The following AHNAK2 variants were observed in gnomAD, a reference collection of about 807,000 sequenced individuals.
AHNAK2 encodes protein AHNAK2.
In AHNAK2, 18 loss-of-function variants were observed where a neutral mutation model predicts 30.7. That is an observed-to-expected ratio of 0.59 (90% CI 0.41 to 0.87). The LOEUF is 0.87. Ranked by LOEUF, AHNAK2 falls within the 40% of genes least tolerant of loss-of-function variation. The pLI, the probability that AHNAK2 is intolerant of heterozygous loss-of-function variation, is 0.00. For missense variants in AHNAK2, 8,604 were observed against 7,373.0 expected, an observed-to-expected ratio of 1.17 and a Z score of -6.11; for synonymous variants, 3,590 against 3,073.8, an observed-to-expected ratio of 1.17 and a Z score of -5.56.
At chr14:104,956,144 G>GA (rs1227008880) in intron 4 of AHNAK2, among the ~76,000 whole-genome samples, 1 of 152,136 alleles carries the variant, frequency 6.6e-6, no homozygotes, top group Non-Finnish European at 1.5e-5. Flanking sequence ...GGCCTCCAAG[G>GA]AAAAAAACTA....
chr14:104,947,737 G>A lies in AHNAK2; in HGVS notation c.7714C>T (p.Pro2572Ser). 1 of 1,612,680 alleles carries A rather than the reference G, an allele frequency of 6.2e-7. No individual in the cohort carries two copies. The highest frequency in any genetic ancestry group is 8.5e-7 in the Non-Finnish European group (1 of 1,179,588). Reference protein sequence around the residue: ...LKGHLPKVQMPSFKMPEMDLK... With the variant: ...LKGHLPKVQMSSFKMPEMDLK... ...TCCATTTCAGGCATCTTGAAACTGGGCATCTGCACCTTGGGCAGGTGCCCT... is the reference window on the plus strand; with the variant it reads ...TCCATTTCAGGCATCTTGAAACTGGACATCTGCACCTTGGGCAGGTGCCCT... Residue 2572 changes from proline to serine, a missense_variant, in exon 7 of 7, where the codon CCC (proline) becomes TCC (serine). Physicochemically the swap from Pro to Ser is moderately conservative, Grantham distance 74 (BLOSUM62 -1). Coordinates refer to ENST00000333244, the MANE Select transcript of AHNAK2 (RefSeq NM_138420.4).
chr14:104,944,814 A>C lies in AHNAK2; in HGVS notation c.10637T>G (p.Val3546Gly), dbSNP rs749663852. 2 of 1,612,758 alleles carry C rather than the reference A, an allele frequency of 1.2e-6. No individual in the cohort carries two copies. Among genetic ancestry groups the C allele is most frequent in the East Asian group, 4.5e-5 (2 of 44,736 alleles). The change falls in exon 7 of 7, where the codon GTG becomes GGG. Residue 3546 changes from valine to glycine, a missense_variant. Coordinates refer to ENST00000333244, the MANE Select transcript of AHNAK2 (RefSeq NM_138420.4). ...CCCTTTGAGGCCGGCTCCCTCGGGC[A>C]CGGGGCCCTCCAGGAGTTCCACATC... ...QVDVELLEGP[V>G]PEGAGLKGHL...
At chr14:104,974,489 T>C (rs1566927902) in intron 1 of AHNAK2, among the ~76,000 whole-genome samples, 1 of 152,266 alleles carries the variant, frequency 6.6e-6, no homozygotes, top group Non-Finnish European at 1.5e-5. Context: ...TGCAGGCTCC[T>C]GCTGCTTTGC....
intron 1 of AHNAK2, among the ~76,000 whole-genome samples, chr14:104,963,348 T>A (rs1007921140): frequency 2.6e-5 from 4 of 152,176 alleles, no homozygotes; most frequent in Non-Finnish European, 5.9e-5. Context: ...CCATGGGATA[T>A]CCATATGGAA....
rs748574078 is a variant in AHNAK2, at chr14:104,944,353, C to T, written c.11098G>A (p.Gly3700Ser). 1 of 1,612,130 alleles carries T rather than the reference C, an allele frequency of 6.2e-7. No individual in the cohort carries two copies. The highest frequency in any genetic ancestry group is 1.1e-5 in the South Asian group (1 of 90,970). The change falls in exon 7 of 7, where the codon GGC becomes AGC. Residue 3700 changes from glycine to serine, a missense_variant. Gly to Ser is a moderately conservative substitution (Grantham distance 56, BLOSUM62 0). Coordinates refer to ENST00000333244, the MANE Select transcript of AHNAK2 (RefSeq NM_138420.4). ...TCCGGGAGCTTCACATCCATCTGGC[C>T]AGCCTGGACCTTCAGGTCGGCAGAA... Reference protein sequence around the residue: ...PPSADLKVQAGQMDVKLPEGQ... With the variant: ...PPSADLKVQASQMDVKLPEGQ...
intron 1 of AHNAK2, among the ~76,000 whole-genome samples, chr14:104,960,506 G>C (rs192895368): frequency 3.3e-5 from 5 of 152,292 alleles, no homozygotes; most frequent in African/African-American, 1.2e-4. Flanking sequence ...GAAGGGACTT[G>C]AGCATCCATG....
In AHNAK2 at chr14:104,978,259, G is replaced by A. The variant is rs1464440775; in HGVS notation, c.-22C>T. The A allele has an allele frequency of 4.2e-6, 5 of 1,181,210 alleles. No individual in the cohort carries two copies. Among genetic ancestry groups the A allele is most frequent in the Admixed American group, 4.5e-5 (1 of 22,234 alleles). 73.2% of individuals were successfully genotyped at this position (1,181,210 alleles called of 1,614,324 possible). On this transcript the variant is annotated 5_prime_UTR_variant, in exon 1 of 7. Coordinates refer to ENST00000333244, the MANE Select transcript of AHNAK2 (RefSeq NM_138420.4). ...ACATCGCGGCGGCCAGGCGGTGCGGGCCTGGCGGCCCGTCGCGTCCAGTCG... is the reference window on the plus strand; with the variant it reads ...ACATCGCGGCGGCCAGGCGGTGCGGACCTGGCGGCCCGTCGCGTCCAGTCG...
chr14:104,951,880 G>T lies in AHNAK2; in HGVS notation c.3571C>A (p.Pro1191Thr), dbSNP rs1278696282. Residue 1191 changes from proline to threonine, a missense_variant, in exon 7 of 7, where the codon CCC becomes ACC. Pro to Thr is a conservative substitution (Grantham distance 38). Transcript: ENST00000333244. Reference protein sequence around the residue: ...SIEASVDVSAPKVEADVSLPS... With the variant: ...SIEASVDVSATKVEADVSLPS... ...AGACTCACGTCGGCCTCCACTTTGGGTGCAGACACATCCACCGAGGCCTCG... is the reference window on the plus strand; with the variant it reads ...AGACTCACGTCGGCCTCCACTTTGGTTGCAGACACATCCACCGAGGCCTCG... 1 of 1,609,412 alleles carries T rather than the reference G, an allele frequency of 6.2e-7. No homozygotes were observed. Among genetic ancestry groups the T allele is most frequent in the African/African-American group, 1.4e-5 (1 of 73,814 alleles).
rs893974098 is a variant in AHNAK2 at position 104,966,651 on chromosome 14, G to A, written c.56-8979C>T. Among the ~76,000 whole-genome samples, 11 of 151,796 alleles carry A rather than the reference G, an allele frequency of 7.2e-5. No homozygotes were observed. Among genetic ancestry groups the A allele is most frequent in the African/African-American group, 1.2e-4 (5 of 41,286 alleles). ...ACCTGCCCCCTCCCACTCCCTCCAC[G>A]TGGCCCTGCCAGGGCTCCCCAGTGC... On this transcript the variant is annotated intron_variant, in intron 1 of 6. Transcript: ENST00000333244. This position sits in a 1 kb window ranked among gnomAD's most constrained non-coding sequence, Gnocchi z 4.3.
At chr14:104,961,462 C>T (rs1006154795) in intron 1 of AHNAK2, among the ~76,000 whole-genome samples, 1 of 151,192 alleles carries the variant, frequency 6.6e-6, no homozygotes, top group African/African-American at 2.4e-5. Flanking sequence ...CTGCAGTGAG[C>T]CGAGATCGCG....
Position 104,944,966 on chromosome 14 carries a change from C to G in AHNAK2, c.10485G>C (p.Ser3495=), listed in dbSNP as rs748099879. 4 of 1,613,108 alleles carry G rather than the reference C, an allele frequency of 2.5e-6. No homozygotes were observed. The highest frequency in any genetic ancestry group is 3.4e-6 in the Non-Finnish European group (4 of 1,179,614). Residue 3495 remains serine (S), a synonymous_variant, in exon 7 of 7, where the codon TCG becomes TCC. Coordinates refer to ENST00000333244, the MANE Select transcript of AHNAK2 (RefSeq NM_138420.4). ...VSAPGRSIEA[S]LDVSAPKVEA... is the part of the protein sequence containing the mutation. ...CCACCTTCGGCGCAGACACATCCAG[C>G]GAGGCCTCGATGGACCTGCCTGGGG...
chr14:104,953,998 G>A lies in AHNAK2; in HGVS notation c.1453C>T (p.Arg485Ter), dbSNP rs758408767. Residue 485 changes from arginine to a stop codon, truncating the protein, a stop_gained, in exon 7 of 7, where the codon CGA becomes TGA. Transcript: ENST00000333244. LOFTEE classifies it low-confidence loss of function (END_TRUNC). ...TQIGPPEIRV[R>*]VHDLKTPKFA... ...TTTGGTGTCTTTAAATCGTGTACTCGCACCCTAATTTCTGGTGGGCCAATC... is the reference window on the plus strand; with the variant it reads ...TTTGGTGTCTTTAAATCGTGTACTCACACCCTAATTTCTGGTGGGCCAATC... 21 of 1,613,540 alleles carry A rather than the reference G, an allele frequency of 1.3e-5. No homozygotes were observed. Among genetic ancestry groups the A allele is most frequent in the African/African-American group, 5.3e-5 (4 of 74,874 alleles).
chr14:104,975,316 T>C (rs1899565768), intron 1 of AHNAK2, among the ~76,000 whole-genome samples: 1 of 152,202 alleles, frequency 6.6e-6, no homozygotes, highest in Non-Finnish European at 1.5e-5. Flanking sequence ...TGCCTGAGGC[T>C]TGGGGCAGGA....
In AHNAK2 at chr14:104,946,660, C is replaced by T. The variant is rs778756248; in HGVS notation, c.8791G>A (p.Glu2931Lys). Residue 2931 changes from glutamate (E) to lysine (K), a missense_variant, in exon 7 of 7, where the codon GAG (glutamate) becomes AAG (lysine). Transcript: ENST00000333244. ...PKLDLKGPKA[E>K]VTAPDVEVSL... ...ACCTCCACGTCGGGGGCCGTCACCT[C>T]CGCCTTGGGGCCTTTCAGGTCCAGC... 8.1e-6 allele frequency: 13 copies of T among 1,613,000 alleles called. No individual in the cohort carries two copies. In the Admixed American group the frequency reaches 1.8e-4, roughly 23 times the overall value.
At position 104,941,022 on chromosome 14, in the gene AHNAK2, A is replaced by G. The variant is rs1897964123; in HGVS notation, c.14429T>C (p.Leu4810Pro). ...AGCCTGAGACCCAGAAGGAATTTCC[A>G]GAGCAAGCTCAGGGGCCAAGGCAGC... The part of the protein sequence containing the change: ...PRAALAPELA[L>P]EIPSGSQADI... Residue 4810 changes from leucine to proline, a missense_variant, in exon 7 of 7, where the codon CTG (leucine) becomes CCG (proline). Coordinates refer to ENST00000333244, the MANE Select transcript of AHNAK2 (RefSeq NM_138420.4). 4 of 1,613,424 alleles carry G rather than the reference A, an allele frequency of 2.5e-6. No homozygotes were observed. Among genetic ancestry groups the G allele is most frequent in the Non-Finnish European group, 3.4e-6 (4 of 1,179,906 alleles).
chr14:104,977,291 C>A (rs1031263574), intron 1 of AHNAK2, among the ~76,000 whole-genome samples: 2 of 152,206 alleles, frequency 1.3e-5, no homozygotes, highest in Non-Finnish European at 2.9e-5. Context: ...CAGCATAGAC[C>A]CAGCGCCCAA....
intron 3 of AHNAK2, among the ~76,000 whole-genome samples, chr14:104,956,938 C>G (rs1006022538): frequency 6.6e-6 from 1 of 152,224 alleles, no homozygotes; most frequent in African/African-American, 2.4e-5. Context: ...CCACAGCGCC[C>G]ATAGGGAAGC....
chr14:104,947,622 G>C lies in AHNAK2; in HGVS notation c.7829C>G (p.Ser2610Cys). The stretch of plus-strand genomic sequence containing the variant: ...GACGTCCACCTCCATGCTGGACAGA[G>C]ACATCTCCACATCGGGGGCTGTCAC... The part of the protein sequence containing the change: ...AEVTAPDVEM[S>C]LSSMEVDVQA... The change falls in exon 7 of 7, where the codon TCT (serine) becomes TGT (cysteine). Residue 2610 changes from serine to cysteine, a missense_variant. Physicochemically the swap from Ser to Cys is moderately radical, Grantham distance 112. Transcript: ENST00000333244. 3.1e-6 allele frequency: 5 copies of C among 1,612,916 alleles called. No homozygotes were observed. Among genetic ancestry groups the C allele is most frequent in the Non-Finnish European group, 4.2e-6 (5 of 1,179,608 alleles).
chr14:104,955,766 G>A (rs1898955005), intron 4 of AHNAK2, 133 bp from the exon 5 acceptor site: 1 of 1,241,826 alleles, frequency 8.1e-7, no homozygotes, highest in South Asian at 1.8e-5. Context: ...ACAGAGCAGA[G>A]TAGGGTACCC....
Sources: gnomAD v4.1 joint callset for allele counts (sites outside exome capture counted in the v4.1 genomes callset) on GRCh38, gnomAD v4.1.1 for gene constraint, Gnocchi (gnomAD v3.1) non-coding constraint, MANE v1.5 for transcripts, NCBI Gene and HGNC (gene_info 2026-07-23, HGNC 2026-07-21) for gene names.